PTPRD: variants seen among roughly 807,000 people sequenced by gnomAD.
PTPRD encodes the protein protein tyrosine phosphatase receptor type D, also known as receptor-type tyrosine-protein phosphatase delta.
Under a neutral mutation model 214.5 loss-of-function variants are expected in PTPRD, and 34 were observed. The observed-to-expected ratio is 0.16, with a 90% confidence interval of 0.12 to 0.21. PTPRD has a LOEUF of 0.21. PTPRD is among the 10% of genes least tolerant of loss of function. The pLI, the probability that PTPRD is intolerant of heterozygous loss-of-function variation, is 1.00. For missense variants in PTPRD, 2,545 were observed against 2,398.7 expected (o/e 1.06, Z -1.27); for synonymous variants, 1,128 against 845.7 (o/e 1.33, Z -5.79).
intron 2 of PTPRD, among the ~76,000 whole-genome samples, chr9:10,442,797 A>G (rs2098769244): frequency 6.6e-6 from 1 of 151,576 alleles, no homozygotes; most frequent in Non-Finnish European, 1.5e-5. Context: ...TGGTAGTATT[A>G]TGGTCCTATT....
intron 3 of PTPRD, among the ~76,000 whole-genome samples, chr9:10,229,512 C>A (rs982847696): frequency 6.6e-6 from 1 of 152,016 alleles, no homozygotes; most frequent in Admixed American, 6.6e-5. Flanking sequence ...CCACGGAATA[C>A]TATGCAGCCA....
intron 2 of PTPRD, among the ~76,000 whole-genome samples, chr9:10,530,222 C>A (rs2055787727): frequency 6.6e-6 from 1 of 151,914 alleles, no homozygotes; most frequent in Non-Finnish European, 1.5e-5. Context: ...ATATTAGACT[C>A]AAACTTAATC....
intron 12 of PTPRD, among the ~76,000 whole-genome samples, chr9:8,668,072 C>A (rs950425802): frequency 6.6e-6 from 1 of 152,058 alleles, no homozygotes; most frequent in Non-Finnish European, 1.5e-5. Flanking sequence ...TGAAGATACC[C>A]AATGACCACT....
At chr9:9,881,358 C>G (rs1385321155) in intron 5 of PTPRD, among the ~76,000 whole-genome samples, 1 of 152,088 alleles carries the variant, frequency 6.6e-6, no homozygotes, top group Non-Finnish European at 1.5e-5. Flanking sequence ...TACTATTTTG[C>G]CTATCTCAAA....
chr9:9,367,129 G>A (rs776518932), intron 9 of PTPRD, among the ~76,000 whole-genome samples: 4 of 151,332 alleles, frequency 2.6e-5, no homozygotes, highest in Non-Finnish European at 5.9e-5. Flanking sequence ...TATAATCAGT[G>A]TTACGTGGGG....
At chr9:8,634,620 C>T (rs912093562) in intron 13 of PTPRD, among the ~76,000 whole-genome samples, 3 of 152,032 alleles carry the variant, frequency 2.0e-5, no homozygotes, top group African/African-American at 7.2e-5. Flanking sequence ...ATAAAGCATA[C>T]ACTTTAAAAT....
At chr9:9,604,195 C>T (rs992261832) in intron 7 of PTPRD, among the ~76,000 whole-genome samples, 2 of 152,044 alleles carry the variant, frequency 1.3e-5, no homozygotes, top group African/African-American at 4.8e-5. Context: ...TGCATCTGGG[C>T]AATTCAATAC....
At chr9:9,228,091 C>T (rs923458820) in intron 9 of PTPRD, among the ~76,000 whole-genome samples, 5 of 152,048 alleles carry the variant, frequency 3.3e-5, no homozygotes, top group Admixed American at 6.6e-5. Flanking sequence ...GTAGCCCATA[C>T]AATAAAATGT....
At chr9:9,450,776 A>G (rs2145210283) in intron 8 of PTPRD, among the ~76,000 whole-genome samples, 1 of 151,678 alleles carries the variant, frequency 6.6e-6, no homozygotes, top group East Asian at 1.9e-4. Flanking sequence ...TCCCTGTAAA[A>G]TTATCTTTTA....
chr9:8,725,199 G>C (rs1324678045), intron 12 of PTPRD, among the ~76,000 whole-genome samples: 1 of 152,104 alleles, frequency 6.6e-6, no homozygotes, highest in Admixed American at 6.6e-5. Context: ...GAAAGCTGTG[G>C]ATTACTTTTC....
At position 10,504,218 on chromosome 9, in the gene PTPRD, G is replaced by A. The variant is rs574771534; in HGVS notation, c.-600+108180C>T. On this transcript the variant is annotated intron_variant, in intron 2 of 45. Transcript: ENST00000381196. Reference sequence around the variant, plus strand: ...GGCGGTAACTATTGCTGTAACAGGTGTGATATATGCATCGAACTCTCTCCT... The same window carrying A: ...GGCGGTAACTATTGCTGTAACAGGTATGATATATGCATCGAACTCTCTCCT... Among the ~76,000 whole-genome samples the A allele has an allele frequency of 8.1e-5, 12 of 148,666 alleles. 1 individual carries two copies. In the South Asian group the frequency reaches 1.6e-3, roughly 19 times the overall value.
At chr9:10,025,491 CA>C (rs1355647634) in intron 4 of PTPRD, among the ~76,000 whole-genome samples, 18 of 152,176 alleles carry the variant, frequency 1.2e-4, no homozygotes, top group Admixed American at 9.8e-4. Context: ...AACCATTAGA[CA>C]GCCAGATTTA....
chr9:8,924,340 T>C (rs2154274224), intron 11 of PTPRD, among the ~76,000 whole-genome samples: 1 of 152,334 alleles, frequency 6.6e-6, no homozygotes, highest in African/African-American at 2.4e-5. Flanking sequence ...CTCAGCTCTC[T>C]TCTTGGTACA....
chr9:8,358,111 G>T (rs1022611225), intron 39 of PTPRD, among the ~76,000 whole-genome samples: 1 of 152,048 alleles, frequency 6.6e-6, no homozygotes, highest in Non-Finnish European at 1.5e-5. Context: ...ACTTTATTTA[G>T]TGTCTGTTTC....
chr9:8,504,227 A>G, intron 23 of PTPRD, 34 bp downstream of exon 23: 1 of 1,612,294 alleles, frequency 6.2e-7, no homozygotes. Flanking sequence ...CGAGGAAATA[A>G]AAAGGCAGAA....
intron 9 of PTPRD, among the ~76,000 whole-genome samples, chr9:9,273,021 C>T (rs1442590975): frequency 6.6e-6 from 1 of 151,240 alleles, no homozygotes; most frequent in African/African-American, 2.4e-5. Context: ...ATAAAAGAAA[C>T]ACCACATGAA....
intron 2 of PTPRD, among the ~76,000 whole-genome samples, chr9:10,361,761 A>G (rs949699474): frequency 6.6e-6 from 1 of 152,184 alleles, no homozygotes; most frequent in African/African-American, 2.4e-5. Context: ...AATAAGAGTC[A>G]CCACTTTTAC....
chr9:8,437,276 G>C (rs1212928642), intron 34 of PTPRD: 1 of 1,403,456 alleles, frequency 7.1e-7, no homozygotes, highest in Non-Finnish European at 9.5e-7. Context: ...AAATAAAATA[G>C]AACAAATTCT....
intron 5 of PTPRD, among the ~76,000 whole-genome samples, chr9:9,810,574 AT>A (rs1284467407): frequency 2.0e-5 from 3 of 151,916 alleles, no homozygotes; most frequent in African/African-American, 7.3e-5. Flanking sequence ...TTGATGGAAT[AT>A]TTTAAGTTAC....
Sources: allele counts gnomAD v4.1 joint callset (sites outside exome capture counted in the v4.1 genomes callset), GRCh38; gene constraint gnomAD v4.1.1; transcripts MANE v1.5; gene names NCBI Gene and HGNC (gene_info 2026-07-23, HGNC 2026-07-21).